STX8: variants seen among roughly 807,000 people sequenced by gnomAD.
STX8 encodes the protein syntaxin-8.
A neutral mutation model predicts 37.5 loss-of-function variants in STX8; 23 were observed. The observed-to-expected ratio is 0.61, with a 90% CI of 0.44 to 0.87. The LOEUF (loss-of-function observed/expected upper bound fraction) is 0.87, where lower values mean the gene tolerates loss of function less well. Among genes scored for constraint, STX8 ranks in the 40% least tolerant of loss-of-function variants. The pLI, the probability that STX8 is intolerant of heterozygous loss-of-function variation, is 0.00. For synonymous variants in STX8, 115 were observed against 99.1 expected (o/e 1.16, Z -0.95); for missense variants, 313 against 284.7 (o/e 1.10, Z -0.71).
In STX8 at chr17:9,507,804, A is replaced by G. The variant is rs1000281012; in HGVS notation, c.324-2642T>C. ...AGCTGAGGCCACTGAGACACTCACA[A>G]ATGTCACTGGCATGGATTACAGTTA... On this transcript the variant is annotated intron_variant, in intron 4 of 7. Coordinates refer to ENST00000306357, the MANE Select transcript of STX8 (RefSeq NM_004853.3). The surrounding 1 kb of genome is among the most constrained non-coding windows in gnomAD (Gnocchi z 4.0). Among the ~76,000 whole-genome samples the G allele has an allele frequency of 6.6e-6, 1 of 152,186 alleles. No individual in the cohort carries two copies. The highest frequency in any genetic ancestry group is 1.5e-5 in the Non-Finnish European group (1 of 68,040).
chr17:9,294,480 C>G (rs1040874808), intron 7 of STX8, among the ~76,000 whole-genome samples: 6 of 152,174 alleles, frequency 3.9e-5, no homozygotes, highest in African/African-American at 9.7e-5. Flanking sequence ...ACATCTGAAG[C>G]CAGGCGTTTC....
At chr17:9,350,016 G>T (rs1910656810) in intron 7 of STX8, among the ~76,000 whole-genome samples, 1 of 152,200 alleles carries the variant, frequency 6.6e-6, no homozygotes, top group African/African-American at 2.4e-5. Flanking sequence ...GGGATTACAG[G>T]CGTGATTGTC....
intron 6 of STX8, among the ~76,000 whole-genome samples, chr17:9,455,687 T>C (rs558987496): frequency 2.0e-5 from 3 of 152,192 alleles, no homozygotes; most frequent in African/African-American, 4.8e-5. Flanking sequence ...ATTTTGACTA[T>C]GGTATCAGGA....
At chr17:9,550,907 T>C (rs1461343446) in intron 3 of STX8, among the ~76,000 whole-genome samples, 1 of 152,144 alleles carries the variant, frequency 6.6e-6, no homozygotes, top group African/African-American at 2.4e-5. Flanking sequence ...AAACCCCATC[T>C]CTACCAAAAA....
chr17:9,330,371 G>C (rs550914370), intron 7 of STX8, among the ~76,000 whole-genome samples: 76 of 152,280 alleles, frequency 5.0e-4, no homozygotes, highest in South Asian at 1.5e-3. Context: ...CCCTGGCCTG[G>C]ATGGAATCAA....
chr17:9,276,718 C>A (rs1034275451), intron 7 of STX8, among the ~76,000 whole-genome samples: 1 of 150,762 alleles, frequency 6.6e-6, no homozygotes, highest in African/African-American at 2.5e-5. Context: ...TCACTGCAAC[C>A]TCTACCTCCT....
intron 4 of STX8, among the ~76,000 whole-genome samples, chr17:9,534,937 T>C (rs1905967537): frequency 2.0e-5 from 3 of 152,096 alleles, no homozygotes; most frequent in South Asian, 2.1e-4. Context: ...AGTCCAGAAA[T>C]AGATCAAAAT....
At position 9,250,532 on chromosome 17, in the gene STX8, C is replaced by T. The variant is rs1193085396; in HGVS notation, c.*46G>A. 2.6e-6 allele frequency: 4 copies of T among 1,530,632 alleles called. No individual in the cohort carries two copies. The Admixed American group carries it at 7.7e-5, about 30-fold the overall frequency. The allele number at this position is 1,530,632 out of a possible 1,614,324, so 94.8% of individuals were successfully genotyped here. A position where few individuals can be genotyped will look rare whatever the true frequency, so the allele number is the denominator to read the frequency against. The stretch of plus-strand genomic sequence containing the variant: ...GCGTACCAAAAGGGTGTTGGGCTTG[C>T]ATCTGTCATTGGCAGGTGTCACTGC... On this transcript the variant is annotated 3_prime_UTR_variant, in exon 8 of 8. Coordinates refer to ENST00000306357, the MANE Select transcript of STX8 (RefSeq NM_004853.3).
chr17:9,354,547 C>G (rs958253010), intron 7 of STX8, among the ~76,000 whole-genome samples: 3 of 151,798 alleles, frequency 2.0e-5, no homozygotes, highest in Admixed American at 2.0e-4. Context: ...GTCTTGATCT[C>G]CTAATCTCAT....
At chr17:9,351,848 G>A (rs2142246350) in intron 7 of STX8, among the ~76,000 whole-genome samples, 1 of 152,162 alleles carries the variant, frequency 6.6e-6, no homozygotes, top group South Asian at 2.1e-4. Context: ...GTGATGTTGT[G>A]TTAATTATAC....
At chr17:9,291,711 C>A (rs182209372) in intron 7 of STX8, among the ~76,000 whole-genome samples, 139 of 152,222 alleles carry the variant, frequency 9.1e-4, no homozygotes, top group African/African-American at 3.2e-3. Context: ...CTTTGGAATA[C>A]ATAGGTCACA....
intron 2 of STX8, among the ~76,000 whole-genome samples, chr17:9,558,539 C>CA (rs1297898327): frequency 8.5e-5 from 13 of 152,070 alleles, no homozygotes; most frequent in African/African-American, 3.1e-4. Context: ...TCTCTACACT[C>CA]AAAGAGAAAA....
intron 6 of STX8, among the ~76,000 whole-genome samples, chr17:9,481,174 T>C (rs1906324730): frequency 6.6e-6 from 1 of 152,086 alleles, no homozygotes; most frequent in African/African-American, 2.4e-5. Flanking sequence ...TGAACCACCG[T>C]GCCCGGCCTC....
chr17:9,519,049 G>A (rs754355163), intron 4 of STX8, among the ~76,000 whole-genome samples: 4 of 151,942 alleles, frequency 2.6e-5, no homozygotes, highest in African/African-American at 4.8e-5. Flanking sequence ...GGTTTGGGGG[G>A]AGTAGCACAC....
intron 6 of STX8, among the ~76,000 whole-genome samples, chr17:9,480,563 C>G (rs902500507): frequency 6.6e-5 from 10 of 152,088 alleles, no homozygotes; most frequent in Non-Finnish European, 1.2e-4. Flanking sequence ...TCACAGATCA[C>G]TAAATGGAAG....
chr17:9,504,836 T>C (rs920964858), intron 5 of STX8, among the ~76,000 whole-genome samples: 6 of 151,532 alleles, frequency 4.0e-5, no homozygotes, highest in Admixed American at 6.6e-5. Context: ...TAGCCGGGCA[T>C]GGTGGCACGC....
intron 2 of STX8, among the ~76,000 whole-genome samples, chr17:9,564,260 A>AAGAGG (rs930763120): frequency 2.6e-5 from 4 of 151,712 alleles, no homozygotes; most frequent in Admixed American, 1.3e-4. Flanking sequence ...GCAGGAGAAA[A>AAGAGG]AGAGGAGAGG....
chr17:9,459,669 C>T (rs150808663), intron 6 of STX8, among the ~76,000 whole-genome samples: 3 of 152,276 alleles, frequency 2.0e-5, no homozygotes, highest in East Asian at 1.9e-4. Flanking sequence ...GCACCCACCA[C>T]GACGTCCAGC....
intron 7 of STX8, among the ~76,000 whole-genome samples, chr17:9,358,702 T>C (rs1005269873): frequency 6.6e-6 from 1 of 151,686 alleles, no homozygotes; most frequent in African/African-American, 2.4e-5. Flanking sequence ...GGCTGAAGGG[T>C]GGGATGCAGC....
Sources: allele counts gnomAD v4.1 joint callset (sites outside exome capture counted in the v4.1 genomes callset), GRCh38; gene constraint gnomAD v4.1.1; non-coding constraint Gnocchi (gnomAD v3.1); transcripts MANE v1.5; gene names NCBI Gene and HGNC (gene_info 2026-07-23, HGNC 2026-07-21).